The following NAA16 variants were observed in gnomAD, a reference collection of about 807,000 sequenced individuals.
The protein encoded by NAA16 is N-alpha-acetyltransferase 16, NatA auxiliary subunit.
NAA16 carries 97 observed loss-of-function variants against 110.3 expected under a neutral mutation model. That is an observed-to-expected ratio of 0.88 (90% confidence interval 0.75 to 1.04). The LOEUF (loss-of-function observed/expected upper bound fraction) is 1.04, where lower values mean the gene tolerates loss of function less well. NAA16 is among the 50% of genes least tolerant of loss of function. The probability of loss-of-function intolerance (pLI) is 0.00; values close to 1 mark genes in which losing one functional copy is unlikely to be tolerated. For missense variants in NAA16, 1,017 were observed against 1,005.1 expected (o/e 1.01, Z -0.16); for synonymous variants, 372 against 330.6 (o/e 1.13, Z -1.36).
At chr13:41,363,025 A>C (rs1041458899) in intron 13 of NAA16, among the ~76,000 whole-genome samples, 3 of 152,162 alleles carry the variant, frequency 2.0e-5, no homozygotes, top group South Asian at 4.1e-4. Flanking sequence ...GAAATAACCT[A>C]ATTTTTGCTC....
intron 1 of NAA16, among the ~76,000 whole-genome samples, chr13:41,316,213 T>C (rs546354362): frequency 6.6e-6 from 1 of 152,290 alleles, no homozygotes; most frequent in East Asian, 1.9e-4. Context: ...CACTGCAGCT[T>C]CCAGCTCCTG....
At chr13:41,337,278 T>C (rs1046930675) in intron 9 of NAA16, among the ~76,000 whole-genome samples, 7 of 152,180 alleles carry the variant, frequency 4.6e-5, no homozygotes, top group Admixed American at 4.6e-4. Flanking sequence ...GTGTGGTGGC[T>C]CATGCCTGTA....
chr13:41,372,949 C>T (rs1566304966), intron 17 of NAA16, 119 bp downstream of exon 17: 2 of 1,192,166 alleles, frequency 1.7e-6, no homozygotes. Context: ...GTAAAAAGCC[C>T]TGATTTGTAT....
intron 6 of NAA16, 103 bp from the exon 7 acceptor site, chr13:41,328,619 TTC>T (rs1476083829): frequency 1.0e-4 from 92 of 924,364 alleles, no homozygotes; most frequent in Non-Finnish European, 1.5e-4. Flanking sequence ...GCATACAGAG[TTC>T]TGTCTTTTTA....
chr13:41,335,202 T>C (rs551216435), intron 8 of NAA16, among the ~76,000 whole-genome samples: 2 of 114,112 alleles, frequency 1.8e-5, no homozygotes, highest in Non-Finnish European at 3.6e-5. Flanking sequence ...AACTCGAAAA[T>C]ATAAAAACTG....
intron 1 of NAA16, 147 bp downstream of exon 1, chr13:41,311,729 C>A: frequency 1.4e-6 from 1 of 735,560 alleles, no homozygotes; most frequent in Non-Finnish European, 2.2e-6. Context: ...CGGGACCCCA[C>A]TTTCCCGCTC....
Position 41,348,180 on chromosome 13 carries a change from T to A in NAA16, c.1015-6964T>A, listed in dbSNP as rs1284529561. On this transcript the variant is annotated intron_variant, in intron 9 of 19. Coordinates refer to ENST00000379406, the MANE Select transcript of NAA16 (RefSeq NM_024561.5). ...AGATGTTAAACCAATTTTTATTTTT[T>A]TTTTCAAGATGCAATCTCACTCTGT... Among the ~76,000 whole-genome samples, 7 of 152,226 alleles carry A rather than the reference T, an allele frequency of 4.6e-5. No individual in the cohort carries two copies. The East Asian group carries it at 5.8e-4, about 13-fold the overall frequency.
chr13:41,311,521 C>T lies in NAA16; in HGVS notation c.-8C>T, dbSNP rs1410839408. 6.2e-7 allele frequency: 1 copy of T among 1,600,222 alleles called. No homozygotes were observed. Among genetic ancestry groups the T allele is most frequent in the East Asian group, 2.3e-5 (1 of 44,206 alleles). On this transcript the variant is annotated 5_prime_UTR_variant, in exon 1 of 20. Coordinates refer to ENST00000379406, the MANE Select transcript of NAA16 (RefSeq NM_024561.5). ...CCTGCCGGCCACCTAGCCTCCCTGCCGGCCACGATGCCGAACGTGCTGCTG... is the reference window on the plus strand; with the variant it reads ...CCTGCCGGCCACCTAGCCTCCCTGCTGGCCACGATGCCGAACGTGCTGCTG...
At chr13:41,356,957 C>T (rs2043002651) in intron 10 of NAA16, among the ~76,000 whole-genome samples, 1 of 152,134 alleles carries the variant, frequency 6.6e-6, no homozygotes, top group African/African-American at 2.4e-5. Context: ...TTCTGGTTTT[C>T]TCTCTTTTTT....
At position 41,372,847 on chromosome 13, in the gene NAA16, A is replaced by C; in HGVS notation, c.2155+17A>C. 2.6e-6 allele frequency: 4 copies of C among 1,510,014 alleles called. No homozygotes were observed. The highest frequency in any genetic ancestry group is 3.6e-6 in the Non-Finnish European group (4 of 1,120,646). 93.5% of individuals were successfully genotyped at this position (1,510,014 alleles called of 1,614,324 possible). On this transcript the variant is annotated intron_variant, in intron 17 of 19. Coordinates refer to ENST00000379406, the MANE Select transcript of NAA16 (RefSeq NM_024561.5). ...CTAAATCTGGTAAGTATAAAAAAGG[A>C]CCATATTTACATTTGTGAATTATTT...
chr13:41,322,668 C>T (rs1469125374), intron 4 of NAA16, among the ~76,000 whole-genome samples: 2 of 151,810 alleles, frequency 1.3e-5, no homozygotes, highest in African/African-American at 2.4e-5. Flanking sequence ...CCAATTATTA[C>T]AATGTATTTA....
At chr13:41,331,720 C>T (rs2042243953) in intron 8 of NAA16, among the ~76,000 whole-genome samples, 1 of 151,884 alleles carries the variant, frequency 6.6e-6, no homozygotes, top group South Asian at 2.1e-4. Flanking sequence ...GAATAAGTTT[C>T]AGTGTTTGCA....
chr13:41,337,542 C>CAAA (rs11370011), intron 9 of NAA16, among the ~76,000 whole-genome samples: 16 of 134,358 alleles, frequency 1.2e-4, no homozygotes, highest in East Asian at 2.1e-4. Flanking sequence ...GACTCCGTCT[C>CAAA]AAAAAAAAAA....
intron 9 of NAA16, among the ~76,000 whole-genome samples, chr13:41,348,358 G>A (rs947255087): frequency 1.3e-5 from 2 of 151,926 alleles, no homozygotes; most frequent in Admixed American, 1.3e-4. Context: ...TAGTAGAAAC[G>A]GGATTTCACT....
chr13:41,373,887 A>G (rs1039337043), intron 18 of NAA16, 107 bp downstream of exon 18: 3 of 1,397,134 alleles, frequency 2.1e-6, no homozygotes, highest in Non-Finnish European at 2.8e-6. Flanking sequence ...GTGTGTAAGT[A>G]TGGGGAGAGA....
chr13:41,320,707 A>C lies in NAA16; in HGVS notation c.285A>C (p.Lys95Asn). 1 of 1,612,192 alleles carries C rather than the reference A, an allele frequency of 6.2e-7. No individual in the cohort carries two copies. The highest frequency in any genetic ancestry group is 8.5e-7 in the Non-Finnish European group (1 of 1,179,688). The change falls in exon 4 of 20, where the codon AAA (lysine) becomes AAC (asparagine). Residue 95 changes from lysine to asparagine, a missense_variant. Lys to Asn is a moderately conservative substitution (Grantham distance 94). Transcript: ENST00000379406. ...GACTCTTGCAGCGTTCTGATAAAAAATATGATGAAGCTATAAAATGTTACC... is the reference window on the plus strand; with the variant it reads ...GACTCTTGCAGCGTTCTGATAAAAACTATGATGAAGCTATAAAATGTTACC... The part of the protein sequence containing the change: ...VYGLLQRSDK[K>N]YDEAIKCYRN...
At chr13:41,368,051 A>G (rs1229952797) in intron 14 of NAA16, among the ~76,000 whole-genome samples, 1 of 152,186 alleles carries the variant, frequency 6.6e-6, no homozygotes, top group East Asian at 1.9e-4. Flanking sequence ...TTTTAAAAAG[A>G]CGAGTTTAGG....
At chr13:41,311,608 G>C (rs1213611517) in intron 1 of NAA16, 26 bp downstream of exon 1, 1 of 1,595,660 alleles carries the variant, frequency 6.3e-7, no homozygotes, top group Non-Finnish European at 8.5e-7. Flanking sequence ...CCGCGCTGCC[G>C]CCCCCCGGTC....
intron 19 of NAA16, 95 bp from the exon 20 acceptor site, chr13:41,375,310 T>C (rs2139524247): frequency 1.2e-6 from 1 of 826,468 alleles, no homozygotes; most frequent in East Asian, 2.7e-5. Flanking sequence ...GAGGCAGCTT[T>C]CTCAATTTAA....
Sources: allele counts gnomAD v4.1 joint callset (sites outside exome capture counted in the v4.1 genomes callset), GRCh38; gene constraint gnomAD v4.1.1; transcripts MANE v1.5; gene names NCBI Gene and HGNC (gene_info 2026-07-23, HGNC 2026-07-21).